SGCD: variants seen among roughly 807,000 people sequenced by gnomAD.
SGCD encodes the protein delta-sarcoglycan.
In SGCD, 18 loss-of-function variants were observed where a neutral mutation model predicts 36.6. The ratio of observed to expected loss-of-function variants is 0.49; its 90% CI spans 0.34 to 0.73. SGCD has a LOEUF of 0.73. Among genes scored for constraint, SGCD ranks in the 30% least tolerant of loss-of-function variants. SGCD has a pLI of 0.01. For missense variants in SGCD, 387 were observed against 346.7 expected, an observed-to-expected ratio of 1.12 and a Z score of -0.92; for synonymous variants, 133 against 130.6, an observed-to-expected ratio of 1.02 and a Z score of -0.12.
the SGCD span, among the ~76,000 whole-genome samples, chr5:155,784,458 C>T: frequency 1.3e-5 from 2 of 152,000 alleles, no homozygotes; most frequent in African/African-American, 2.4e-5. Context: ...ACTGAGGAGT[C>T]CCTGAGATAT....
chr5:156,731,250 C>T (rs1240571772), intron 7 of SGCD, among the ~76,000 whole-genome samples: 1 of 152,166 alleles, frequency 6.6e-6, no homozygotes, highest in Non-Finnish European at 1.5e-5. Context: ...TGTGCAGAAG[C>T]TCTTTAATTA....
intron 6 of SGCD, among the ~76,000 whole-genome samples, chr5:156,629,350 C>T (rs1457258807): frequency 6.6e-6 from 1 of 152,138 alleles, no homozygotes; most frequent in Admixed American, 6.5e-5. Context: ...AGCAGGAGGA[C>T]CACAGAATAA....
At chr5:156,401,976 G>T (rs74542381) in intron 3 of SGCD, among the ~76,000 whole-genome samples, 2,071 of 152,186 alleles carry the variant, frequency 0.014, 22 homozygotes, top group Non-Finnish European at 0.023. Context: ...GGTTGTATGG[G>T]TTTGACTACT....
At chr5:156,435,280 A>G (rs534277816) in intron 3 of SGCD, among the ~76,000 whole-genome samples, 1 of 152,318 alleles carries the variant, frequency 6.6e-6, no homozygotes, top group African/African-American at 2.4e-5. Flanking sequence ...TGTGCCCTAG[A>G]CACAAAGATT....
intron 6 of SGCD, among the ~76,000 whole-genome samples, chr5:156,628,472 A>G (rs957294586): frequency 6.6e-6 from 1 of 152,242 alleles, no homozygotes; most frequent in Non-Finnish European, 1.5e-5. Context: ...TTCTTAATGT[A>G]CAGGAGTCCA....
chr5:156,285,789 A>G (rs1041353264), intron 3 of SGCD, among the ~76,000 whole-genome samples: 7 of 152,186 alleles, frequency 4.6e-5, no homozygotes, highest in African/African-American at 1.7e-4. Flanking sequence ...CTAAAACACC[A>G]AAAGCAATGG....
At chr5:155,976,004 T>C (rs997535037) in intron 1 of SGCD, among the ~76,000 whole-genome samples, 2 of 152,180 alleles carry the variant, frequency 1.3e-5, no homozygotes, top group African/African-American at 4.8e-5. Context: ...CATTCTTTCA[T>C]TCCTGAGTTG....
chr5:156,502,525 G>A (rs1300848808), intron 3 of SGCD, among the ~76,000 whole-genome samples: 1 of 151,950 alleles, frequency 6.6e-6, no homozygotes. Flanking sequence ...TTTTAGGATG[G>A]TATCTTGCTA....
intron 3 of SGCD, among the ~76,000 whole-genome samples, chr5:156,318,546 G>T (rs542024456): frequency 6.6e-6 from 1 of 150,960 alleles, no homozygotes; most frequent in South Asian, 2.1e-4. Flanking sequence ...TGAACTCTTC[G>T]TACTTTTTTA....
the SGCD span, among the ~76,000 whole-genome samples, chr5:155,747,156 A>T: frequency 6.6e-6 from 1 of 152,188 alleles, no homozygotes; most frequent in Non-Finnish European, 1.5e-5. Context: ...TTTCTGGTTT[A>T]TATATATAAG....
At chr5:156,434,658 A>T (rs974715467) in intron 3 of SGCD, among the ~76,000 whole-genome samples, 1 of 152,208 alleles carries the variant, frequency 6.6e-6, no homozygotes, top group African/African-American at 2.4e-5. Flanking sequence ...TGGGAATGTG[A>T]TGATGGCCAC....
intron 6 of SGCD, among the ~76,000 whole-genome samples, chr5:156,626,223 A>G (rs1489848540): frequency 1.3e-5 from 2 of 152,206 alleles, no homozygotes; most frequent in Non-Finnish European, 2.9e-5. Context: ...GCGCCCCTGT[A>G]AATAACCTTT....
rs397517922 is a variant in SGCD at position 156,594,942 on chromosome 5, C to T, written c.393C>T (p.Ala131=). The T allele has an allele frequency of 1.7e-5, 28 of 1,603,742 alleles. No homozygotes were observed. In the East Asian group the frequency reaches 3.3e-4, roughly 19 times the overall value. Residue 131 remains alanine, a synonymous_variant, in exon 6 of 9, where the codon GCC becomes GCT. Transcript: ENST00000337851. ...VLTQLITGPK[A]VEAYGKKFEV... ...CTCTATATCTCTCAGGTCCAAAAGCCGTAGAAGCTTATGGTAAAAAATTTG... is the reference window on the plus strand; with the variant it reads ...CTCTATATCTCTCAGGTCCAAAAGCTGTAGAAGCTTATGGTAAAAAATTTG...
intron 3 of SGCD, among the ~76,000 whole-genome samples, chr5:156,303,337 C>T (rs1031489684): frequency 1.3e-5 from 2 of 152,058 alleles, no homozygotes; most frequent in African/African-American, 4.8e-5. Context: ...TAGCTTGTGG[C>T]AAATGCTACC....
chr5:156,633,020 A>G (rs1762694434), intron 6 of SGCD, among the ~76,000 whole-genome samples: 1 of 152,140 alleles, frequency 6.6e-6, no homozygotes, highest in Non-Finnish European at 1.5e-5. Flanking sequence ...TGCAGCTTCT[A>G]GAATCAAGGT....
chr5:155,732,209 C>G, the SGCD span, among the ~76,000 whole-genome samples: 2 of 152,228 alleles, frequency 1.3e-5, no homozygotes, highest in Admixed American at 1.3e-4. Flanking sequence ...TCACAGAAAG[C>G]TATGCCACAG....
At chr5:156,212,137 A>G (rs1409893730) in intron 3 of SGCD, among the ~76,000 whole-genome samples, 1 of 152,214 alleles carries the variant, frequency 6.6e-6, no homozygotes, top group East Asian at 1.9e-4. Context: ...ATAATTAACA[A>G]ATGGCAGTTG....
the SGCD span, among the ~76,000 whole-genome samples, chr5:155,856,045 A>T: frequency 6.6e-6 from 1 of 152,212 alleles, no homozygotes; most frequent in African/African-American, 2.4e-5. Flanking sequence ...AATGAATGAG[A>T]TTAATGACAG....
intron 1 of SGCD, among the ~76,000 whole-genome samples, chr5:156,003,256 T>G (rs1433806649): frequency 6.6e-6 from 1 of 152,174 alleles, no homozygotes; most frequent in Non-Finnish European, 1.5e-5. Flanking sequence ...ACCTCTAAAC[T>G]CTATAAGGGC....
Sources: gnomAD v4.1 joint callset for allele counts (sites outside exome capture counted in the v4.1 genomes callset) on GRCh38, gnomAD v4.1.1 for gene constraint, MANE v1.5 for transcripts, NCBI Gene and HGNC (gene_info 2026-07-23, HGNC 2026-07-21) for gene names.